Variants in EXTL1 observed in about 807,000 individuals in gnomAD.
The protein encoded by EXTL1 is exostosin like glycosyltransferase 1.
EXTL1 carries 43 observed loss-of-function variants against 64.6 expected under a neutral mutation model. That is an observed-to-expected ratio of 0.67 (90% CI 0.52 to 0.86). The LOEUF (loss-of-function observed/expected upper bound fraction) is 0.86, where lower values mean the gene tolerates loss of function less well. Among genes scored for constraint, EXTL1 ranks in the 40% least tolerant of loss-of-function variants. The probability of loss-of-function intolerance (pLI) is 0.00; values close to 1 mark genes in which losing one functional copy is unlikely to be tolerated. For synonymous variants in EXTL1, 352 were observed against 360.5 expected, an observed-to-expected ratio of 0.98 and a Z score of 0.27; for missense variants, 766 against 879.0, an observed-to-expected ratio of 0.87 and a Z score of 1.62.
chr1:26,022,747 T>C lies in EXTL1; in HGVS notation c.101T>C (p.Leu34Ser). Residue 34 changes from leucine to serine, a missense_variant, in exon 1 of 11, where the codon TTG (leucine) becomes TCG (serine). Physicochemically the swap from Leu to Ser is moderately radical, Grantham distance 145. Coordinates refer to ENST00000374280, the MANE Select transcript of EXTL1 (RefSeq NM_004455.3). ...GGCTTCTCCCTTCTCCGCCTGGCAT[T>C]GCCTCCCAGACCTCGGCCCGGGGCT... ...LGGFSLLRLA[L>S]PPRPRPGASQ... The C allele has an allele frequency of 6.2e-7, 1 of 1,614,060 alleles. No homozygotes were observed. Among genetic ancestry groups the C allele is most frequent in the Non-Finnish European group, 8.5e-7 (1 of 1,179,976 alleles).
intron 1 of EXTL1, among the ~76,000 whole-genome samples, chr1:26,024,527 T>C (rs1207823230): frequency 6.6e-6 from 1 of 152,116 alleles, no homozygotes; most frequent in African/African-American, 2.4e-5. Flanking sequence ...AGGGCTCTCG[T>C]GGGAATGGGA....
Position 26,030,461 on chromosome 1 carries a change from C to T in EXTL1, c.982-15C>T. 3 of 1,603,836 alleles carry T rather than the reference C, an allele frequency of 1.9e-6. No homozygotes were observed. Among genetic ancestry groups the T allele is most frequent in the Non-Finnish European group, 2.6e-6 (3 of 1,173,440 alleles). ...TTGCTCTATTACCTGGCACTTTTCT[C>T]CCTCTCTGCTCCAGGTCCTGGCTGC... is the stretch of plus-strand genomic sequence containing the variant. On this transcript the variant is annotated splice_polypyrimidine_tract_variant and intron_variant, in intron 3 of 10. Coordinates refer to ENST00000374280, the MANE Select transcript of EXTL1 (RefSeq NM_004455.3).
rs762136236 is a variant in EXTL1, at chr1:26,031,163, C to A, written c.1133C>A (p.Ala378Asp). The A allele has an allele frequency of 3.2e-5, 52 of 1,613,992 alleles. No individual in the cohort carries two copies. The highest frequency in any genetic ancestry group is 4.1e-5 in the Non-Finnish European group (48 of 1,179,994). Residue 378 changes from alanine to aspartate, a missense_variant, in exon 5 of 11, where the codon GCT becomes GAT. Ala to Asp is a moderately radical substitution (Grantham distance 126). This residue lies in a region of EXTL1 where 571 missense variants were observed against 647.6 expected (regional missense o/e 0.88). Coordinates refer to ENST00000374280, the MANE Select transcript of EXTL1 (RefSeq NM_004455.3). ...CAGGACCGGATTTTTGGAACATCAGCTCACCCCTCACTGCTGTGGAACAGC... is the reference window on the plus strand; with the variant it reads ...CAGGACCGGATTTTTGGAACATCAGATCACCCCTCACTGCTGTGGAACAGC... ...VIQDRIFGTSAHPSLLWNSPP... is the reference protein window; with the variant it reads ...VIQDRIFGTSDHPSLLWNSPP...
In EXTL1 at chr1:26,023,416, G is replaced by C; in HGVS notation, c.770G>C (p.Gly257Ala). 9.7e-6 allele frequency: 14 copies of C among 1,442,232 alleles called. No homozygotes were observed. The highest frequency in any genetic ancestry group is 1.3e-5 in the Non-Finnish European group (14 of 1,093,600). The allele number at this position is 1,442,232 out of a possible 1,614,324, so 89.3% of individuals were successfully genotyped here. A position where few individuals can be genotyped will look rare whatever the true frequency, so the allele number is the denominator to read the frequency against. ...PWDGRCEQDP[G>A]PGQTQRQETL... The stretch of plus-strand genomic sequence containing the variant: ...GATGGGCGCTGTGAGCAAGACCCTG[G>C]ACCTGGGCAGTAAGTGAACCTTTTG... The change falls in exon 1 of 11, where the codon GGA (glycine) becomes GCA (alanine). Residue 257 changes from glycine to alanine, a missense_variant. Physicochemically the swap from Gly to Ala is moderately conservative, Grantham distance 60. This residue lies in a region of EXTL1 where 571 missense variants were observed against 647.6 expected (regional missense o/e 0.88). Coordinates refer to ENST00000374280, the MANE Select transcript of EXTL1 (RefSeq NM_004455.3).
At position 26,033,095 on chromosome 1, in the gene EXTL1, C is replaced by T; in HGVS notation, c.1432-134C>T. The T allele has an allele frequency of 1.1e-5, 7 of 663,960 alleles. No homozygotes were observed. The South Asian group carries it at 1.1e-4, about 10-fold the overall frequency. 41.1% of individuals were successfully genotyped at this position (663,960 alleles called of 1,614,324 possible). ...AGGCTTGCCATATTTGAGGCCCAGG[C>T]GTCTACACTGTGCCTGAAGGGAGGC... is the stretch of plus-strand genomic sequence containing the variant. On this transcript the variant is annotated intron_variant, in intron 7 of 10. Coordinates refer to ENST00000374280, the MANE Select transcript of EXTL1 (RefSeq NM_004455.3). This position sits in a 1 kb window ranked among gnomAD's most constrained non-coding sequence, Gnocchi z 5.1.
chr1:26,029,106 GT>G, intron 1 of EXTL1, 86 bp from the exon 2 acceptor site: 1 of 907,094 alleles, frequency 1.1e-6, no homozygotes, highest in Admixed American at 1.9e-5. Context: ...GTGCAGGGGT[GT>G]GGGGTTCTCC....
chr1:26,032,581 G>C, intron 7 of EXTL1, 96 bp downstream of exon 7: 1 of 846,870 alleles, frequency 1.2e-6, no homozygotes, highest in Non-Finnish European at 1.9e-6. Context: ...GGCCTGAGCC[G>C]CAGTTGGGCC....
chr1:26,035,570 C>G lies in EXTL1; in HGVS notation c.*223C>G, dbSNP rs559250593. 1 of 449,902 alleles carries G rather than the reference C, an allele frequency of 2.2e-6. No individual in the cohort carries two copies. Among genetic ancestry groups the G allele is most frequent in the East Asian group, 3.3e-5 (1 of 30,744 alleles). 27.9% of individuals were successfully genotyped at this position (449,902 alleles called of 1,614,324 possible). On this transcript the variant is annotated 3_prime_UTR_variant, in exon 11 of 11. Transcript: ENST00000374280. This position sits in a 1 kb window ranked among gnomAD's most constrained non-coding sequence, Gnocchi z 5.3. ...CTCTGCGGAGGCTGAGCCCCGCGAC[C>G]GGAGCGCCGCTCTCCGCTTCTCCAC... is the stretch of plus-strand genomic sequence containing the variant.
Position 26,023,224 on chromosome 1 carries a change from G to A in EXTL1, c.578G>A (p.Gly193Asp). The A allele has an allele frequency of 6.2e-7, 1 of 1,609,102 alleles. No homozygotes were observed. The highest frequency in any genetic ancestry group is 8.5e-7 in the Non-Finnish European group (1 of 1,176,908). The change falls in exon 1 of 11, where the codon GGC becomes GAC. Residue 193 changes from glycine (G) to aspartate (D), a missense_variant. By Grantham distance (94) the Gly-to-Asp change is moderately conservative (BLOSUM62 -1). This residue lies in a region of EXTL1 where 571 missense variants were observed against 647.6 expected (regional missense o/e 0.88). Transcript: ENST00000374280. ...ASPTVDSFRPGFDVALPFLPE... is the reference protein window; with the variant it reads ...ASPTVDSFRPDFDVALPFLPE... ...CCCACGGTGGACTCCTTCCGGCCCG[G>A]CTTTGATGTGGCCCTCCCTTTTCTC...
chr1:26,030,330 C>CCT lies in EXTL1; in HGVS notation c.982-146_982-145insCT. 2.9e-5 allele frequency: 11 copies of CCT among 381,536 alleles called. No individual in the cohort carries two copies. In the South Asian group the frequency reaches 5.5e-4, roughly 19 times the overall value. 23.6% of individuals were successfully genotyped at this position (381,536 alleles called of 1,614,324 possible). A position where few individuals can be genotyped will look rare whatever the true frequency, so the allele number is the denominator to read the frequency against. On this transcript the variant is annotated intron_variant, in intron 3 of 10. Transcript: ENST00000374280. ...AACTCTGTGTGACCCCTGAATGCTT[C>CCT]TTTTTTTTTTTTTTTTTTTTGAGAT...
chr1:26,034,114 T>C lies in EXTL1; in HGVS notation c.1679+258T>C, dbSNP rs1325807481. Among the ~76,000 whole-genome samples the C allele has an allele frequency of 7.2e-5, 11 of 152,198 alleles. No homozygotes were observed. On this transcript the variant is annotated intron_variant, in intron 9 of 10. Coordinates refer to ENST00000374280, the MANE Select transcript of EXTL1 (RefSeq NM_004455.3). The surrounding 1 kb of genome is among the most constrained non-coding windows in gnomAD (Gnocchi z 4.6). ...GTCCCTGGCACAGAGGTTCCACAAA[T>C]GGTAGCTATTGTTATTTGAAGTAGA...
chr1:26,027,807 C>T (rs1216470440), intron 1 of EXTL1, among the ~76,000 whole-genome samples: 1 of 151,920 alleles, frequency 6.6e-6, no homozygotes, highest in African/African-American at 2.4e-5. Flanking sequence ...GATGGCACCA[C>T]TGCACTCCAG....
chr1:26,025,785 C>T lies in EXTL1; in HGVS notation c.779+2360C>T, dbSNP rs1201878479. 6.6e-6 allele frequency among the ~76,000 whole-genome samples: 1 copy of T among 152,162 alleles called. No homozygotes were observed. The highest frequency in any genetic ancestry group is 1.5e-5 in the Non-Finnish European group (1 of 68,034). On this transcript the variant is annotated intron_variant, in intron 1 of 10. Transcript: ENST00000374280. The surrounding 1 kb of genome is among the most constrained non-coding windows in gnomAD (Gnocchi z 5.3). ...GCCAAACACTGCTTCCAGTTTCTTA[C>T]GTGTCTTTTCTGAGAAACTCTGCGT...
intron 3 of EXTL1, among the ~76,000 whole-genome samples, chr1:26,030,033 A>C (rs2050265240): frequency 6.6e-6 from 1 of 152,204 alleles, no homozygotes; most frequent in South Asian, 2.1e-4. Context: ...GGGGAAGGCT[A>C]CAAAAAAATT....
Position 26,035,038 on chromosome 1 carries a change from G to A in EXTL1, c.1848+34G>A. 1.9e-6 allele frequency: 3 copies of A among 1,610,220 alleles called. No individual in the cohort carries two copies. Among genetic ancestry groups the A allele is most frequent in the Non-Finnish European group, 2.5e-6 (3 of 1,176,994 alleles). ...TGAGGGGGATTGGTCGGAACTGGCA[G>A]GGATTGGGCGGGGATGCCGGAGAGG... is the stretch of plus-strand genomic sequence containing the variant. On this transcript the variant is annotated intron_variant, in intron 10 of 10. Coordinates refer to ENST00000374280, the MANE Select transcript of EXTL1 (RefSeq NM_004455.3). This position sits in a 1 kb window ranked among gnomAD's most constrained non-coding sequence, Gnocchi z 5.3.
rs1008261743 is a variant in EXTL1, at chr1:26,035,614, T to C, written c.*267T>C. 9.4e-5 allele frequency: 39 copies of C among 412,780 alleles called. No homozygotes were observed. The highest frequency in any genetic ancestry group is 2.5e-4 in the East Asian group (7 of 27,692). The allele number at this position is 412,780 out of a possible 1,614,324, so 25.6% of individuals were successfully genotyped here. On this transcript the variant is annotated 3_prime_UTR_variant, in exon 11 of 11. Coordinates refer to ENST00000374280, the MANE Select transcript of EXTL1 (RefSeq NM_004455.3). This position sits in a 1 kb window ranked among gnomAD's most constrained non-coding sequence, Gnocchi z 5.3. ...TCTCCACCCAGCTAACTTCTGCTCG[T>C]CTTTCAGAGCATTGTCTCCTCCAGG...
chr1:26,027,856 G>A (rs2050235993), intron 1 of EXTL1, among the ~76,000 whole-genome samples: 1 of 152,094 alleles, frequency 6.6e-6, no homozygotes, highest in South Asian at 2.1e-4. Context: ...AGAAGAAAAA[G>A]ATGAGTAGGA....
chr1:26,034,954 C>T lies in EXTL1; in HGVS notation c.1798C>T (p.Pro600Ser). The T allele has an allele frequency of 1.2e-6, 2 of 1,614,178 alleles. No homozygotes were observed. The highest frequency in any genetic ancestry group is 1.1e-5 in the South Asian group (1 of 91,088). The change falls in exon 10 of 11, where the codon CCC becomes TCC. Residue 600 changes from proline to serine, a missense_variant. Pro to Ser is a moderately conservative substitution (Grantham distance 74). Transcript: ENST00000374280. The surrounding 1 kb of genome is among the most constrained non-coding windows in gnomAD (Gnocchi z 4.6). ...CATAGTAGCAGCAGTCACCAAGCTG[C>T]CCCCTATCAAGGTGCCCTATGGCAA... is the stretch of plus-strand genomic sequence containing the variant. ...NFIVAAVTKL[P>S]PIKVPYGKQR...
chr1:26,027,694 A>AAAAAAAAAAAAAAAAAAGC (rs1557551579), intron 1 of EXTL1, among the ~76,000 whole-genome samples: 2 of 139,552 alleles, frequency 1.4e-5, no homozygotes, highest in South Asian at 2.2e-4. Context: ...ATCTCTAAAA[A>AAAAAAAAAAAAAAAAAAGC]AAAAAAAAAA....
Sources: gnomAD v4.1 joint callset for allele counts (sites outside exome capture counted in the v4.1 genomes callset) on GRCh38, gnomAD v4.1.1 for gene constraint, gnomAD v4.1.1 regional missense constraint, Gnocchi (gnomAD v3.1) non-coding constraint, MANE v1.5 for transcripts, NCBI Gene and HGNC (gene_info 2026-07-23, HGNC 2026-07-21) for gene names.